SAMD12: variants seen among roughly 807,000 people sequenced by gnomAD.
SAMD12 encodes sterile alpha motif domain containing 12.
Under a neutral mutation model 15.0 loss-of-function variants are expected in SAMD12, and 9 were observed. The observed-to-expected ratio is 0.60, with a 90% CI of 0.36 to 1.05. The LOEUF (loss-of-function observed/expected upper bound fraction) is 1.05. Ranked by LOEUF, SAMD12 falls within the 50% of genes least tolerant of loss-of-function variation. The pLI, the probability that SAMD12 is intolerant of heterozygous loss-of-function variation, is 0.01. For missense variants in SAMD12, 230 were observed against 234.2 expected (o/e 0.98, Z 0.12); for synonymous variants, 86 against 90.1 (o/e 0.96, Z 0.25).
chr8:118,186,094 AT>A, downstream of SAMD12, among the ~76,000 whole-genome samples: 1 of 152,296 alleles, frequency 6.6e-6, no homozygotes, highest in South Asian at 2.1e-4. Context: ...AATGTGTATG[AT>A]TATTTCTTGC....
At chr8:118,153,763 T>G in the SAMD12 span, among the ~76,000 whole-genome samples, 1 of 152,150 alleles carries the variant, frequency 6.6e-6, no homozygotes, top group Non-Finnish European at 1.5e-5. Context: ...ACCTTTCCCC[T>G]TCCTCCATAT....
intron 1 of SAMD12, among the ~76,000 whole-genome samples, chr8:118,613,756 T>G (rs1245474632): frequency 2.0e-5 from 3 of 152,214 alleles, no homozygotes; most frequent in Non-Finnish European, 4.4e-5. Flanking sequence ...TTTTCTCTTT[T>G]GCAAGATCTG....
Position 118,423,382 on chromosome 8 carries a change from G to A in SAMD12, c.322+16450C>T, listed in dbSNP as rs191610885. ...GAGGCCCTGAAGTGGTGAGTCCATG[G>A]CTCACAGGACGTTATATTTTCTTTT... On this transcript the variant is annotated intron_variant, in intron 3 of 3. Transcript: ENST00000314727. Among the ~76,000 whole-genome samples the A allele has an allele frequency of 7.7e-3, 1,177 of 152,208 alleles. 11 individuals are homozygous for A. Among genetic ancestry groups the A allele is most frequent in the Non-Finnish European group, 0.011 (716 of 68,016 alleles).
At chr8:118,135,549 T>C in the SAMD12 span, among the ~76,000 whole-genome samples, 7 of 151,884 alleles carry the variant, frequency 4.6e-5, no homozygotes, top group African/African-American at 1.7e-4. Flanking sequence ...TCTTCTTCTT[T>C]TTTTCTTTTT....
At chr8:118,423,186 G>GA (rs761230962) in intron 3 of SAMD12, among the ~76,000 whole-genome samples, 6 of 152,074 alleles carry the variant, frequency 3.9e-5, no homozygotes, top group Non-Finnish European at 8.8e-5. Flanking sequence ...CCCAAGAGAG[G>GA]AAAAATCTGA....
intron 1 of SAMD12, among the ~76,000 whole-genome samples, chr8:118,613,483 A>G (rs952656326): frequency 2.6e-5 from 4 of 152,234 alleles, no homozygotes; most frequent in African/African-American, 9.6e-5. Context: ...AGGACAAAAT[A>G]TCTTTCATAT....
At chr8:118,584,668 C>T (rs1234200839) in intron 1 of SAMD12, among the ~76,000 whole-genome samples, 1 of 152,148 alleles carries the variant, frequency 6.6e-6, no homozygotes. Context: ...ATTTCACAAA[C>T]ATTGCTCTTA....
At chr8:118,418,790 A>G (rs1326347218) in intron 3 of SAMD12, among the ~76,000 whole-genome samples, 4 of 152,290 alleles carry the variant, frequency 2.6e-5, no homozygotes, top group African/African-American at 9.6e-5. Context: ...AGTTTTTCCA[A>G]CCAGGAAATG....
intron 4 of SAMD12, among the ~76,000 whole-genome samples, chr8:118,324,087 TTATC>T (rs1816446511): frequency 1.3e-5 from 2 of 152,212 alleles, no homozygotes; most frequent in African/African-American, 4.8e-5. Context: ...CTTCTAACTT[TTATC>T]TATGTGCATG....
At chr8:118,571,960 A>G (rs979610370) in intron 2 of SAMD12, among the ~76,000 whole-genome samples, 4 of 152,174 alleles carry the variant, frequency 2.6e-5, no homozygotes, top group African/African-American at 9.7e-5. Context: ...ATCCACTGAT[A>G]GCTTGCACCA....
intron 2 of SAMD12, among the ~76,000 whole-genome samples, chr8:118,486,407 A>G (rs769612801): frequency 1.6e-4 from 22 of 136,128 alleles, no homozygotes; most frequent in African/African-American, 5.9e-4. Context: ...CAGAGAGAGA[A>G]TCCGTCTAAA....
intron 3 of SAMD12, among the ~76,000 whole-genome samples, chr8:118,427,925 C>T (rs550251159): frequency 1.8e-4 from 28 of 152,210 alleles, no homozygotes; most frequent in South Asian, 1.0e-3. Flanking sequence ...GTGCCACGTC[C>T]GCAGCAACAC....
At chr8:118,616,499 G>A (rs1234733028) in intron 1 of SAMD12, among the ~76,000 whole-genome samples, 1 of 152,212 alleles carries the variant, frequency 6.6e-6, no homozygotes, top group East Asian at 1.9e-4. Flanking sequence ...GCAGGACAGA[G>A]CTTCTTGTGT....
the SAMD12 span, among the ~76,000 whole-genome samples, chr8:118,178,843 T>C: frequency 6.6e-6 from 1 of 152,196 alleles, no homozygotes; most frequent in African/African-American, 2.4e-5. Context: ...TCTCGACAGA[T>C]TACACACACA....
At chr8:118,184,423 C>A in the SAMD12 span, among the ~76,000 whole-genome samples, 1 of 152,258 alleles carries the variant, frequency 6.6e-6, no homozygotes, top group East Asian at 1.9e-4. Context: ...CACACAAACA[C>A]AAAAACACAC....
chr8:118,282,164 A>G, intron 4 of SAMD12: 1 of 399,716 alleles, frequency 2.5e-6, no homozygotes, highest in South Asian at 1.9e-5. Context: ...TTATGGTGTA[A>G]GTAAAAATGA....
At chr8:118,376,328 G>A (rs1043718993), downstream of SAMD12, among the ~76,000 whole-genome samples, 54 of 152,238 alleles carry the variant, frequency 3.5e-4, no homozygotes, top group African/African-American at 1.2e-3. Flanking sequence ...CCAAGGTGAT[G>A]GTATTGGACG....
the SAMD12 span, among the ~76,000 whole-genome samples, chr8:118,154,690 C>T: frequency 6.6e-6 from 1 of 152,132 alleles, no homozygotes; most frequent in African/African-American, 2.4e-5. Flanking sequence ...CCGTAAGAGG[C>T]AGTTCTGCAG....
chr8:118,510,080 C>T (rs557550369), intron 2 of SAMD12, among the ~76,000 whole-genome samples: 9 of 152,234 alleles, frequency 5.9e-5, no homozygotes, highest in African/African-American at 9.6e-5. Flanking sequence ...TACCCCCTCA[C>T]TTTAATGGAA....
Sources: gnomAD v4.1 joint callset for allele counts (sites outside exome capture counted in the v4.1 genomes callset) on GRCh38, gnomAD v4.1.1 for gene constraint, MANE v1.5 for transcripts, NCBI Gene and HGNC (gene_info 2026-07-23, HGNC 2026-07-21) for gene names.